TOX: variants seen among roughly 807,000 people sequenced by gnomAD.
The protein encoded by TOX is thymocyte selection-associated high mobility group box protein TOX.
A neutral mutation model predicts 53.7 loss-of-function variants in TOX; 11 were observed. That is an observed-to-expected ratio of 0.20 (90% CI 0.13 to 0.34). The LOEUF (loss-of-function observed/expected upper bound fraction) is 0.34. Among genes scored for constraint, TOX ranks in the 10% least tolerant of loss-of-function variants. TOX has a pLI of 1.00. For missense variants in TOX, 570 were observed against 664.6 expected, an observed-to-expected ratio of 0.86 and a Z score of 1.56; for synonymous variants, 225 against 245.3, an observed-to-expected ratio of 0.92 and a Z score of 0.77.
At chr8:58,927,639 T>TA (rs1188412563) in intron 3 of TOX, among the ~76,000 whole-genome samples, 1 of 152,180 alleles carries the variant, frequency 6.6e-6, no homozygotes, top group Non-Finnish European at 1.5e-5. Flanking sequence ...GATTGGTTGT[T>TA]AGAACGTCCC....
In TOX at chr8:58,805,871, T is replaced by C. The variant is rs932148756; in HGVS notation, c.*1876A>G. 5.2e-5 allele frequency: 8 copies of C among 152,692 alleles called. No homozygotes were observed. Among genetic ancestry groups the C allele is most frequent in the African/African-American group, 1.9e-4 (8 of 41,458 alleles). The allele number at this position is 152,692 out of a possible 1,614,324, so 9.5% of individuals were successfully genotyped here. Reference sequence around the variant, plus strand: ...TACATGCTCAAGTGATTCAAGGTTGTACAATGCCTAAAATCATTCCAAAGC... The same window carrying C: ...TACATGCTCAAGTGATTCAAGGTTGCACAATGCCTAAAATCATTCCAAAGC... On this transcript the variant is annotated 3_prime_UTR_variant, in exon 9 of 9. Coordinates refer to ENST00000361421, the MANE Select transcript of TOX (RefSeq NM_014729.3).
At chr8:58,886,542 T>C (rs922304546) in intron 3 of TOX, among the ~76,000 whole-genome samples, 2 of 152,092 alleles carry the variant, frequency 1.3e-5, no homozygotes, top group South Asian at 2.1e-4. Context: ...ATTCTACCTG[T>C]GGTCAGATAA....
intron 1 of TOX, among the ~76,000 whole-genome samples, chr8:59,092,482 C>A (rs191659592): frequency 6.6e-6 from 1 of 150,418 alleles, no homozygotes; most frequent in Admixed American, 6.7e-5. Flanking sequence ...ATTCACTGTA[C>A]GGAAGCCAGA....
intron 4 of TOX, among the ~76,000 whole-genome samples, chr8:58,845,334 A>G (rs755961354): frequency 9.2e-5 from 14 of 152,242 alleles, no homozygotes; most frequent in Non-Finnish European, 1.6e-4. Context: ...TAAATATTAT[A>G]AACTCCTCTC....
At chr8:58,964,166 T>C (rs1373944475) in intron 1 of TOX, among the ~76,000 whole-genome samples, 1 of 152,160 alleles carries the variant, frequency 6.6e-6, no homozygotes, top group Non-Finnish European at 1.5e-5. Context: ...ATTCAGTTCT[T>C]CCTCAGGATT....
chr8:59,109,326 T>C (rs1804971075), intron 1 of TOX, among the ~76,000 whole-genome samples: 3 of 152,150 alleles, frequency 2.0e-5, no homozygotes, highest in South Asian at 4.1e-4. Context: ...TATGAATATA[T>C]ATTAATCTCT....
At chr8:58,867,059 C>T (rs1347099777) in intron 3 of TOX, among the ~76,000 whole-genome samples, 2 of 152,130 alleles carry the variant, frequency 1.3e-5, no homozygotes, top group African/African-American at 4.8e-5. Flanking sequence ...GGAATATCTA[C>T]CCAGCATTTT....
chr8:59,010,075 C>A (rs1005721590), intron 1 of TOX, among the ~76,000 whole-genome samples: 5 of 152,146 alleles, frequency 3.3e-5, no homozygotes, highest in Non-Finnish European at 7.3e-5. Flanking sequence ...TTAAGATGAT[C>A]TTCAAAGTTT....
At chr8:59,115,730 G>A (rs1403275760) in intron 1 of TOX, among the ~76,000 whole-genome samples, 6 of 152,094 alleles carry the variant, frequency 3.9e-5, no homozygotes, top group Admixed American at 3.9e-4. Flanking sequence ...CCTATATACA[G>A]CAACATGCCA....
At chr8:58,914,362 A>AG (rs750493420) in intron 3 of TOX, among the ~76,000 whole-genome samples, 3 of 152,202 alleles carry the variant, frequency 2.0e-5, no homozygotes, top group Non-Finnish European at 4.4e-5. Context: ...CTCTGCAAAT[A>AG]GGTAGACTCC....
intron 2 of TOX, among the ~76,000 whole-genome samples, chr8:58,955,242 A>C (rs927625463): frequency 1.3e-5 from 2 of 152,312 alleles, no homozygotes; most frequent in East Asian, 3.9e-4. Flanking sequence ...AACTGCTCAC[A>C]ATCTCAGAAT....
At position 58,911,989 on chromosome 8, in the gene TOX, A is replaced by C. The variant is rs542950683; in HGVS notation, c.411+27313T>G. Among the ~76,000 whole-genome samples, 6 of 152,344 alleles carry C rather than the reference A, an allele frequency of 3.9e-5. No individual in the cohort carries two copies. The South Asian group carries it at 1.0e-3, about 26-fold the overall frequency. On this transcript the variant is annotated intron_variant, in intron 3 of 8. Coordinates refer to ENST00000361421, the MANE Select transcript of TOX (RefSeq NM_014729.3). Reference sequence around the variant, plus strand: ...AGTGCTGGGATTACAGGCGTGAGCCACCGTGCCCGGCCCAAATACTTTTCA... The same window carrying C: ...AGTGCTGGGATTACAGGCGTGAGCCCCCGTGCCCGGCCCAAATACTTTTCA...
chr8:58,983,156 A>C (rs1338132748), intron 1 of TOX, among the ~76,000 whole-genome samples: 2 of 152,234 alleles, frequency 1.3e-5, no homozygotes, highest in African/African-American at 4.8e-5. Context: ...TATGTACTTT[A>C]GCTACTAGCT....
chr8:58,994,598 T>A (rs1813525058), intron 1 of TOX, among the ~76,000 whole-genome samples: 3 of 152,200 alleles, frequency 2.0e-5, no homozygotes, highest in African/African-American at 7.2e-5. Flanking sequence ...ATGACAGAAT[T>A]GTGTTATAAA....
At chr8:59,071,785 G>A (rs145973344) in intron 1 of TOX, among the ~76,000 whole-genome samples, 18 of 152,206 alleles carry the variant, frequency 1.2e-4, no homozygotes, top group East Asian at 5.8e-4. Context: ...TCTACTCATC[G>A]AGTAGCTCAA....
chr8:59,092,608 G>A lies in TOX; in HGVS notation c.102+26278C>T, dbSNP rs1224919139. Among the ~76,000 whole-genome samples, 3 of 151,824 alleles carry A rather than the reference G, an allele frequency of 2.0e-5. No homozygotes were observed. In the East Asian group the frequency reaches 5.8e-4, roughly 29 times the overall value. On this transcript the variant is annotated intron_variant, in intron 1 of 8. Transcript: ENST00000361421. ...CTCTTTAACGTAACTCAAGAGGAAG[G>A]AGTCTAGCCCCACCCTTCACTCTCA... is the stretch of plus-strand genomic sequence containing the variant.
chr8:58,831,680 CA>C (rs1810456305), intron 5 of TOX, among the ~76,000 whole-genome samples: 1 of 152,156 alleles, frequency 6.6e-6, no homozygotes, highest in Non-Finnish European at 1.5e-5. Flanking sequence ...CATACAACTG[CA>C]AGGCCTGGTC....
chr8:59,054,956 G>A (rs1585990874), intron 1 of TOX, among the ~76,000 whole-genome samples: 1 of 144,302 alleles, frequency 6.9e-6, no homozygotes, highest in African/African-American at 2.7e-5. Flanking sequence ...AAAGAGAGGA[G>A]GGAGGGAGGA....
intron 1 of TOX, among the ~76,000 whole-genome samples, chr8:59,062,332 A>G (rs1563434042): frequency 6.6e-6 from 1 of 152,256 alleles, no homozygotes; most frequent in Non-Finnish European, 1.5e-5. Context: ...TGCCAGGTAC[A>G]CAGCGGAAGA....
Sources: allele counts gnomAD v4.1 joint callset (sites outside exome capture counted in the v4.1 genomes callset), GRCh38; gene constraint gnomAD v4.1.1; transcripts MANE v1.5; gene names NCBI Gene and HGNC (gene_info 2026-07-23, HGNC 2026-07-21).